The following RGS18 variants were observed in gnomAD, a reference collection of about 807,000 sequenced individuals.
The protein encoded by RGS18 is regulator of G protein signaling 18, also known as regulator of G-protein signaling 18.
A neutral mutation model predicts 27.6 loss-of-function variants in RGS18; 22 were observed. That is an observed-to-expected ratio of 0.80 (90% confidence interval 0.57 to 1.14). The LOEUF is 1.14. Ranked by LOEUF, RGS18 falls within the 50% of genes most tolerant of loss-of-function variation. The pLI is 0.00. For synonymous variants in RGS18, 89 were observed against 84.6 expected (o/e 1.05, Z -0.29); for missense variants, 299 against 269.6 (o/e 1.11, Z -0.76).
chr1:192,160,929 T>C (rs771354296), intron 3 of RGS18, among the ~76,000 whole-genome samples: 5 of 152,212 alleles, frequency 3.3e-5, no homozygotes, highest in Non-Finnish European at 7.4e-5. Flanking sequence ...CTCGGCTCAC[T>C]GCAAGCTCCG....
intron 3 of RGS18, chr1:192,163,453 T>A (rs1656107036): frequency 6.6e-6 from 1 of 152,158 alleles, no homozygotes; most frequent in Non-Finnish European, 1.5e-5. Context: ...CAGAAAATCC[T>A]CACCTAGCAT....
chr1:192,165,613 G>A (rs771023268), intron 3 of RGS18, among the ~76,000 whole-genome samples: 4 of 152,058 alleles, frequency 2.6e-5, no homozygotes, highest in Non-Finnish European at 4.4e-5. Flanking sequence ...CAGACTGGCC[G>A]ACACTTAGGG....
chr1:192,166,756 G>T (rs1358940098), intron 3 of RGS18, among the ~76,000 whole-genome samples: 1 of 152,102 alleles, frequency 6.6e-6, no homozygotes, highest in African/African-American at 2.4e-5. Context: ...AGAGGAGGAT[G>T]AACAAGACTT....
intron 4 of RGS18, among the ~76,000 whole-genome samples, chr1:192,182,010 G>A (rs542307678): frequency 3.0e-4 from 46 of 151,644 alleles, no homozygotes; most frequent in African/African-American, 1.1e-3. Flanking sequence ...CATTCACATT[G>A]CCACAGATGA....
At chr1:192,172,399 G>T (rs951891366) in intron 3 of RGS18, among the ~76,000 whole-genome samples, 2 of 151,854 alleles carry the variant, frequency 1.3e-5, no homozygotes, top group African/African-American at 4.8e-5. Context: ...CCACTTCTTT[G>T]GTCTTCACCA....
At chr1:192,167,289 A>T (rs1027137448) in intron 3 of RGS18, among the ~76,000 whole-genome samples, 1 of 152,128 alleles carries the variant, frequency 6.6e-6, no homozygotes, top group African/African-American at 2.4e-5. Flanking sequence ...ACTTTTTCTT[A>T]TACTTTTCAC....
At chr1:192,180,596 A>ACTT (rs1382150974) in intron 3 of RGS18, among the ~76,000 whole-genome samples, 5 of 151,698 alleles carry the variant, frequency 3.3e-5, no homozygotes, top group African/African-American at 1.2e-4. Flanking sequence ...TGACAAATAT[A>ACTT]CTTTGTAAGC....
Position 192,159,338 on chromosome 1 carries a change from T to C in RGS18, c.221+17T>C, listed in dbSNP as rs1462141090. 6 of 1,545,262 alleles carry C rather than the reference T, an allele frequency of 3.9e-6. No individual in the cohort carries two copies. The highest frequency in any genetic ancestry group is 5.4e-6 in the Non-Finnish European group (6 of 1,118,804). On this transcript the variant is annotated intron_variant, in intron 2 of 4. Coordinates refer to ENST00000367460, the MANE Select transcript of RGS18 (RefSeq NM_130782.3). Reference sequence around the variant, plus strand: ...AGAAACAAGGTGAATAAATTTTCAGTATTTTGAGGAAGATTTTGCTGATTC... The same window carrying C: ...AGAAACAAGGTGAATAAATTTTCAGCATTTTGAGGAAGATTTTGCTGATTC...
intron 3 of RGS18, among the ~76,000 whole-genome samples, chr1:192,174,123 G>A (rs1325914005): frequency 6.6e-6 from 1 of 151,260 alleles, no homozygotes; most frequent in African/African-American, 2.4e-5. Context: ...TATAATTCAA[G>A]TATAAATATT....
At chr1:192,159,096 AT>A (rs1656024932) in intron 1 of RGS18, 123 bp from the exon 2 acceptor site, 1 of 639,840 alleles carries the variant, frequency 1.6e-6, no homozygotes. Flanking sequence ...TTTAAATGGG[AT>A]TCATGAGTGT....
rs373775228 is a variant in RGS18, at chr1:192,170,420, C to T, written c.283+9981C>T. Among the ~76,000 whole-genome samples, 6 of 152,064 alleles carry T rather than the reference C, an allele frequency of 3.9e-5. No individual in the cohort carries two copies. The East Asian group carries it at 1.2e-3, about 29-fold the overall frequency. On this transcript the variant is annotated intron_variant, in intron 3 of 4. Transcript: ENST00000367460. Reference sequence around the variant, plus strand: ...AGCCAGAGACCTGCCTTTTTTCTCACTGCCTCTTATCTTGTGATACACTGG... The same window carrying T: ...AGCCAGAGACCTGCCTTTTTTCTCATTGCCTCTTATCTTGTGATACACTGG...
chr1:192,165,815 G>A (rs1464373384), intron 3 of RGS18, among the ~76,000 whole-genome samples: 1 of 152,014 alleles, frequency 6.6e-6, no homozygotes, highest in African/African-American at 2.4e-5. Flanking sequence ...TTCGTTCAAT[G>A]GAGTTATTAG....
chr1:192,173,660 G>T lies in RGS18; in HGVS notation c.284-7632G>T, dbSNP rs536920728. Among the ~76,000 whole-genome samples, 5 of 151,826 alleles carry T rather than the reference G, an allele frequency of 3.3e-5. No homozygotes were observed. The South Asian group carries it at 1.0e-3, about 32-fold the overall frequency. The stretch of plus-strand genomic sequence containing the variant: ...AGATCTTCCACTTCTTCAAGTGTCA[G>T]TTTGGGTATAGGTTTATTGTTTTTT... On this transcript the variant is annotated intron_variant, in intron 3 of 4. Coordinates refer to ENST00000367460, the MANE Select transcript of RGS18 (RefSeq NM_130782.3).
In RGS18 at chr1:192,184,594, ATCT is replaced by A. The variant is rs751672112; in HGVS notation, c.*41_*43del. ...GCTCATTTTTATGACAAACTTATAC[ATCT>A]GCTTCTAACATATCGCATGTTTATG... On this transcript the variant is annotated 3_prime_UTR_variant, in exon 5 of 5. Coordinates refer to ENST00000367460, the MANE Select transcript of RGS18 (RefSeq NM_130782.3). The A allele has an allele frequency of 1.3e-6, 2 of 1,567,486 alleles. No individual in the cohort carries two copies. Among genetic ancestry groups the A allele is most frequent in the Non-Finnish European group, 1.8e-6 (2 of 1,141,706 alleles).
intron 1 of RGS18, 88 bp downstream of exon 1, chr1:192,158,844 G>A: frequency 1.1e-6 from 1 of 934,136 alleles, no homozygotes; most frequent in Non-Finnish European, 1.6e-6. Context: ...TTGAACTATT[G>A]GGTGGAAAAT....
chr1:192,181,094 A>T (rs914575184), intron 3 of RGS18, among the ~76,000 whole-genome samples, 198 bp from the exon 4 acceptor site: 1 of 151,566 alleles, frequency 6.6e-6, no homozygotes, highest in South Asian at 2.1e-4. Context: ...TTTCAGTGGG[A>T]ATAATACTTT....
At chr1:192,160,523 C>A in intron 3 of RGS18, 84 bp downstream of exon 3, 3 of 970,208 alleles carry the variant, frequency 3.1e-6, no homozygotes, top group Non-Finnish European at 4.8e-6. Context: ...AACAATAGGT[C>A]ACAAAATTTT....
chr1:192,179,855 C>A (rs1454632335), intron 3 of RGS18, among the ~76,000 whole-genome samples: 1 of 151,490 alleles, frequency 6.6e-6, no homozygotes. Flanking sequence ...ACATGTGTTA[C>A]ACTTGTAACT....
At chr1:192,179,736 A>G (rs1481396029) in intron 3 of RGS18, among the ~76,000 whole-genome samples, 1 of 151,626 alleles carries the variant, frequency 6.6e-6, no homozygotes, top group Non-Finnish European at 1.5e-5. Context: ...TTTAATTTAT[A>G]TAACATTCTT....
Sources: gnomAD v4.1 joint callset for allele counts (sites outside exome capture counted in the v4.1 genomes callset) on GRCh38, gnomAD v4.1.1 for gene constraint, MANE v1.5 for transcripts, NCBI Gene and HGNC (gene_info 2026-07-23, HGNC 2026-07-21) for gene names.